RPL3: variants seen among roughly 807,000 people sequenced by gnomAD.
RPL3 encodes ribosomal protein L3.
A neutral mutation model predicts 46.0 loss-of-function variants in RPL3; 3 were observed. The observed-to-expected ratio is 0.07, with a 90% confidence interval of 0.03 to 0.17. RPL3 has a LOEUF of 0.17. Ranked by LOEUF, RPL3 falls within the 10% of genes least tolerant of loss-of-function variation. The pLI is 1.00. For missense variants in RPL3, 387 were observed against 532.7 expected (o/e 0.73, Z 2.69); for synonymous variants, 224 against 190.8 (o/e 1.17, Z -1.43).
intron 5 of RPL3, 124 bp downstream of exon 5, chr22:39,315,245 T>C (rs1205504228): frequency 7.5e-7 from 1 of 1,335,590 alleles, no homozygotes; most frequent in South Asian, 1.2e-5. Context: ...TAGAGAATGG[T>C]TCTACACTGT....
chr22:39,317,675 G>C lies in RPL3; in HGVS notation c.197-46C>G, dbSNP rs774167922. The C allele has an allele frequency of 2.5e-6, 4 of 1,598,294 alleles. No individual in the cohort carries two copies. The South Asian group carries it at 3.3e-5, about 13-fold the overall frequency. ...TCAGACTTGGCAGGAGCCCAAGCAA[G>C]GGGTGTAATGTTTTCTAGGAAAATG... On this transcript the variant is annotated intron_variant, in intron 2 of 9. Coordinates refer to ENST00000216146, the MANE Select transcript of RPL3 (RefSeq NM_000967.4).
At chr22:39,318,632 G>C in intron 1 of RPL3, 40 bp from the exon 2 acceptor site, 1 of 1,525,638 alleles carries the variant, frequency 6.6e-7, no homozygotes, top group Non-Finnish European at 8.9e-7. Flanking sequence ...CCAAACCAAA[G>C]CAGTGCCCCC....
chr22:39,317,048 T>G (rs761404161), intron 3 of RPL3: 27 of 715,966 alleles, frequency 3.8e-5, no homozygotes, highest in Non-Finnish European at 5.9e-5. Flanking sequence ...AAGGTTAATT[T>G]AAGTTACACG....
intron 6 of RPL3, 80 bp from the exon 7 acceptor site, chr22:39,314,288 A>C: frequency 8.0e-7 from 1 of 1,244,590 alleles, no homozygotes; most frequent in Non-Finnish European, 1.2e-6. Context: ...CCTGCAAAGC[A>C]CGCTAGAAGG....
chr22:39,318,832 ATTTT>A (rs200871548), intron 1 of RPL3, among the ~76,000 whole-genome samples: 5 of 151,996 alleles, frequency 3.3e-5, no homozygotes, highest in African/African-American at 7.3e-5. Flanking sequence ...AAAACGACCC[ATTTT>A]TTTTATCTAA....
At chr22:39,318,672 A>C in intron 1 of RPL3, 80 bp from the exon 2 acceptor site, 3 of 1,201,736 alleles carry the variant, frequency 2.5e-6, no homozygotes, top group South Asian at 1.5e-5. Context: ...TTAAGTTCCA[A>C]ATCTCAGCAA....
chr22:39,316,887 T>C (rs1184348415), intron 3 of RPL3, 46 bp from the exon 4 acceptor site: 5 of 1,612,930 alleles, frequency 3.1e-6, no homozygotes, highest in Admixed American at 3.3e-5. Context: ...GTGCAGGCCT[T>C]CATCACCCCT....
chr22:39,317,596 G>C lies in RPL3; in HGVS notation c.230C>G (p.Thr77Ser). The C allele has an allele frequency of 6.2e-7, 1 of 1,613,900 alleles. No homozygotes were observed. The highest frequency in any genetic ancestry group is 8.5e-7 in the Non-Finnish European group (1 of 1,179,838). The change falls in exon 3 of 10, where the codon ACC becomes AGC. Residue 77 changes from threonine (T) to serine (S), a missense_variant. Physicochemically the swap from Thr to Ser is moderately conservative, Grantham distance 58. Coordinates refer to ENST00000216146, the MANE Select transcript of RPL3 (RefSeq NM_000967.4). The stretch of plus-strand genomic sequence containing the variant: ...CACCATGGGTGGTGTCTCTACAATG[G>C]TCACAGCCTCCACCACCTCCTTCTT... ...VNKKEVVEAV[T>S]IVETPPMVVV...
chr22:39,317,081 C>T (rs776651276), intron 3 of RPL3: 7 of 640,976 alleles, frequency 1.1e-5, no homozygotes, highest in East Asian at 2.8e-5. Context: ...ATTCTTGCTC[C>T]GGGACAAACC....
intron 1 of RPL3, 24 bp downstream of exon 1, chr22:39,319,571 A>C: frequency 6.4e-7 from 1 of 1,564,420 alleles, no homozygotes; most frequent in Non-Finnish European, 8.7e-7. Flanking sequence ...GTGACAATGA[A>C]ACGGCCGCCA....
intron 1 of RPL3, 104 bp from the exon 2 acceptor site, chr22:39,318,696 T>C: frequency 1.0e-6 from 1 of 955,612 alleles, no homozygotes; most frequent in South Asian, 1.7e-5. Context: ...TGAAGAATCC[T>C]GACCAGACAC....
chr22:39,317,147 G>A (rs1000933539), intron 3 of RPL3: 12 of 580,666 alleles, frequency 2.1e-5, no homozygotes, highest in Non-Finnish European at 3.7e-5. Context: ...TTCCACCCAG[G>A]GCCAGAGGCC....
intron 4 of RPL3, 51 bp downstream of exon 4, chr22:39,316,655 G>C (rs750382391): frequency 2.6e-5 from 42 of 1,609,784 alleles, no homozygotes; most frequent in South Asian, 4.4e-5. Context: ...TGATCACATA[G>C]GTCACTTCTA....
In RPL3 at chr22:39,314,114, T is replaced by C. The variant is rs2088872146; in HGVS notation, c.944A>G (p.Asn315Ser). Residue 315 changes from asparagine (N) to serine (S), a missense_variant, in exon 7 of 10, where the codon AAC (asparagine) becomes AGC (serine). Physicochemically the swap from Asn to Ser is conservative, Grantham distance 46. This residue lies in a region of RPL3 where 131 missense variants were observed against 185.1 expected (regional missense o/e 0.71). Transcript: ENST00000216146. ...AGAACACCCATTACTTACCAGAGGG[T>C]TGATGCTCTTGTCAGATAGGTCATA... is the stretch of plus-strand genomic sequence containing the variant. ...TDYDLSDKSINPLGGFVHYGE... is the reference protein window; with the variant it reads ...TDYDLSDKSISPLGGFVHYGE... 2 of 1,612,736 alleles carry C rather than the reference T, an allele frequency of 1.2e-6. No individual in the cohort carries two copies. Among genetic ancestry groups the C allele is most frequent in the South Asian group, 1.1e-5 (1 of 91,030 alleles).
intron 1 of RPL3, 170 bp downstream of exon 1, chr22:39,319,425 A>T: frequency 1.1e-6 from 1 of 920,116 alleles, no homozygotes. Flanking sequence ...AGCGCTCTTC[A>T]CAAGCCTCTC....
At chr22:39,317,651 C>G (rs747597624) in intron 2 of RPL3, 22 bp from the exon 3 acceptor site, 3 of 1,609,426 alleles carry the variant, frequency 1.9e-6, no homozygotes, top group South Asian at 2.2e-5. Context: ...AAGCAGTAGT[C>G]AGACTTGGCA....
Position 39,318,413 on chromosome 22 carries a change from G to C in RPL3, c.183C>G (p.Asp61Glu), listed in dbSNP as rs1922838937. 6.2e-7 allele frequency: 1 copy of C among 1,613,656 alleles called. No individual in the cohort carries two copies. The highest frequency in any genetic ancestry group is 1.3e-5 in the African/African-American group (1 of 74,846). Residue 61 changes from aspartate to glutamate, a missense_variant, in exon 2 of 10, where the codon GAC becomes GAG. Physicochemically the swap from Asp to Glu is conservative, Grantham distance 45. This residue lies in a region of RPL3 where 196 missense variants were observed against 217.5 expected (regional missense o/e 0.90). Coordinates refer to ENST00000216146, the MANE Select transcript of RPL3 (RefSeq NM_000967.4). ...AGMTHIVREV[D>E]RPGSKVNKKE... Reference sequence around the variant, plus strand: ...GTCTGTACATACTGGATCCCGGCCTGTCGACTTCCCGCACGATGTGAGTCA... The same window carrying C: ...GTCTGTACATACTGGATCCCGGCCTCTCGACTTCCCGCACGATGTGAGTCA...
Position 39,315,523 on chromosome 22 carries a change from G to A in RPL3, c.534C>T (p.Ala178=). 1 of 1,614,074 alleles carries A rather than the reference G, an allele frequency of 6.2e-7. No individual in the cohort carries two copies. Among genetic ancestry groups the A allele is most frequent in the Non-Finnish European group, 8.5e-7 (1 of 1,180,028 alleles). ...CGTTCACCTGGATCTCCATCAGGTG[G>A]GCCTTCTTCTGGCGCAGAGGAAGCA... ...MRLLPLRQKK[A]HLMEIQVNGG... is the part of the protein sequence containing the mutation. The change falls in exon 5 of 10, where the codon GCC becomes GCT. Residue 178 remains alanine, a synonymous_variant. Transcript: ENST00000216146.
intron 2 of RPL3, chr22:39,318,014 C>CT (rs1366744994): frequency 1.7e-5 from 6 of 345,220 alleles, no homozygotes; most frequent in Non-Finnish European, 3.2e-5. Context: ...TTAGACATCT[C>CT]TAAGTAGAAC....
Sources: allele counts gnomAD v4.1 joint callset (sites outside exome capture counted in the v4.1 genomes callset), GRCh38; gene constraint gnomAD v4.1.1; regional missense constraint gnomAD v4.1.1; transcripts MANE v1.5; gene names NCBI Gene and HGNC (gene_info 2026-07-23, HGNC 2026-07-21).